Variants in ZMAT4 observed in about 807,000 individuals in gnomAD.
ZMAT4 encodes zinc finger matrin-type protein 4.
In ZMAT4, 17 loss-of-function variants were observed where a neutral mutation model predicts 28.7. That is an observed-to-expected ratio of 0.59 (90% CI 0.41 to 0.89). The LOEUF is 0.89. Ranked by LOEUF, ZMAT4 falls within the 40% of genes least tolerant of loss-of-function variation. The probability of loss-of-function intolerance (pLI) is 0.00; values close to 1 mark genes in which losing one functional copy is unlikely to be tolerated. For missense variants in ZMAT4, 240 were observed against 283.8 expected (o/e 0.85, Z 1.11); for synonymous variants, 117 against 109.2 (o/e 1.07, Z -0.44).
At chr8:40,865,470 G>C (rs1363031034) in intron 1 of ZMAT4, among the ~76,000 whole-genome samples, 1 of 152,186 alleles carries the variant, frequency 6.6e-6, no homozygotes, top group East Asian at 1.9e-4. Context: ...GCAGGATGTG[G>C]CTTCAGCCTC....
At chr8:40,786,987 A>G (rs531062019) in intron 2 of ZMAT4, among the ~76,000 whole-genome samples, 2 of 152,358 alleles carry the variant, frequency 1.3e-5, no homozygotes, top group African/African-American at 4.8e-5. Context: ...AAATTTTTTC[A>G]ATAAACACCA....
At chr8:40,709,132 C>T (rs931312562) in intron 3 of ZMAT4, among the ~76,000 whole-genome samples, 19 of 152,144 alleles carry the variant, frequency 1.2e-4, no homozygotes, top group Admixed American at 9.8e-4. Flanking sequence ...CATGCATCCT[C>T]CTGTAGACTT....
At chr8:40,893,928 C>A (rs1818781971) in intron 1 of ZMAT4, among the ~76,000 whole-genome samples, 1 of 152,170 alleles carries the variant, frequency 6.6e-6, no homozygotes, top group Admixed American at 6.5e-5. Context: ...TCTTTGATTT[C>A]CTTTAAGAAT....
At chr8:40,781,524 A>G (rs901833264) in intron 2 of ZMAT4, among the ~76,000 whole-genome samples, 1 of 152,020 alleles carries the variant, frequency 6.6e-6, no homozygotes, top group Non-Finnish European at 1.5e-5. Flanking sequence ...GCACTTTGGG[A>G]GGCCGAGGCG....
intron 1 of ZMAT4, among the ~76,000 whole-genome samples, chr8:40,892,862 GA>G (rs1370022404): frequency 6.6e-6 from 1 of 152,222 alleles, no homozygotes; most frequent in Non-Finnish European, 1.5e-5. Context: ...CTCATCAGCA[GA>G]GGGCACAGAT....
At chr8:40,602,953 C>T (rs1805450085) in intron 5 of ZMAT4, among the ~76,000 whole-genome samples, 1 of 152,046 alleles carries the variant, frequency 6.6e-6, no homozygotes, top group East Asian at 1.9e-4. Context: ...GTCACATTTG[C>T]TTTTGGGTTC....
At chr8:40,630,387 T>A (rs1283602142) in intron 5 of ZMAT4, among the ~76,000 whole-genome samples, 1 of 152,186 alleles carries the variant, frequency 6.6e-6, no homozygotes, top group Non-Finnish European at 1.5e-5. Flanking sequence ...CTCATATATA[T>A]CCTATGTGGA....
intron 3 of ZMAT4, among the ~76,000 whole-genome samples, chr8:40,705,133 G>A (rs1293445197): frequency 6.6e-6 from 1 of 152,218 alleles, no homozygotes; most frequent in African/African-American, 2.4e-5. Context: ...GAAGAGAGTT[G>A]AAGAATTTTG....
At chr8:40,793,846 C>T (rs575682724) in intron 2 of ZMAT4, among the ~76,000 whole-genome samples, 136 of 152,240 alleles carry the variant, frequency 8.9e-4, no homozygotes, top group African/African-American at 2.9e-3. Context: ...AAAAGTGTGA[C>T]GGACTCGCCC....
chr8:40,808,575 CAA>C (rs745844578), intron 2 of ZMAT4: 1,546 of 393,080 alleles, frequency 3.9e-3, no homozygotes, highest in Admixed American at 5.9e-3. Flanking sequence ...CACCACACTG[CAA>C]AAAAAAAAAA....
At chr8:40,704,957 G>C (rs1026984255) in intron 3 of ZMAT4, among the ~76,000 whole-genome samples, 4 of 152,178 alleles carry the variant, frequency 2.6e-5, no homozygotes, top group Non-Finnish European at 4.4e-5. Flanking sequence ...AGTCCCATGG[G>C]GAAGCTGTAG....
intron 5 of ZMAT4, among the ~76,000 whole-genome samples, chr8:40,596,648 T>C (rs926599275): frequency 6.6e-6 from 1 of 152,220 alleles, no homozygotes; most frequent in Non-Finnish European, 1.5e-5. Context: ...ATGTGATTCA[T>C]TGTTGACAAA....
In ZMAT4 at chr8:40,532,122, T is replaced by C; in HGVS notation, c.*101A>G. The C allele has an allele frequency of 8.9e-7, 1 of 1,123,668 alleles. No homozygotes were observed. Among genetic ancestry groups the C allele is most frequent in the Non-Finnish European group, 1.2e-6 (1 of 818,086 alleles). The allele number at this position is 1,123,668 out of a possible 1,614,324, so 69.6% of individuals were successfully genotyped here. ...AATCTGTGAATCCTTATAAGAAATG[T>C]TTATTGTTCAAGAAAGAAGCCTCCT... On this transcript the variant is annotated 3_prime_UTR_variant, in exon 7 of 7. Coordinates refer to ENST00000297737, the MANE Select transcript of ZMAT4 (RefSeq NM_024645.3).
At chr8:40,824,602 T>C (rs1037862687) in intron 2 of ZMAT4, among the ~76,000 whole-genome samples, 3 of 143,432 alleles carry the variant, frequency 2.1e-5, no homozygotes, top group African/African-American at 7.8e-5. Flanking sequence ...AGTGAGACGC[T>C]ATCTCAGAAA....
chr8:40,583,967 T>C (rs1804577849), intron 5 of ZMAT4, among the ~76,000 whole-genome samples: 2 of 152,162 alleles, frequency 1.3e-5, no homozygotes, highest in Non-Finnish European at 2.9e-5. Flanking sequence ...ATGGATGACT[T>C]TGAATTCTGT....
At chr8:40,889,316 T>C (rs1408265987) in intron 1 of ZMAT4, among the ~76,000 whole-genome samples, 1 of 152,230 alleles carries the variant, frequency 6.6e-6, no homozygotes, top group Admixed American at 6.5e-5. Flanking sequence ...TGAGCGTTTA[T>C]CTTCTCCCAC....
At chr8:40,667,257 G>A (rs755450109) in intron 5 of ZMAT4, among the ~76,000 whole-genome samples, 16 of 151,824 alleles carry the variant, frequency 1.1e-4, no homozygotes, top group Non-Finnish European at 1.5e-4. Flanking sequence ...CCAGGTTCAC[G>A]CCATTCTCCT....
chr8:40,679,440 C>T lies in ZMAT4; in HGVS notation c.350-4509G>A, dbSNP rs190488731. ...GAGGTTTAATTAACTCATAGTTCCA[C>T]AGGGCTGGGGAGGCTTCAGGAAACT... On this transcript the variant is annotated intron_variant, in intron 4 of 6. Coordinates refer to ENST00000297737, the MANE Select transcript of ZMAT4 (RefSeq NM_024645.3). Among the ~76,000 whole-genome samples, 42 of 152,254 alleles carry T rather than the reference C, an allele frequency of 2.8e-4. 1 individual carries two copies. The highest frequency in any genetic ancestry group is 2.6e-3 in the Admixed American group (40 of 15,286).
chr8:40,834,909 A>G (rs762113593), intron 1 of ZMAT4, among the ~76,000 whole-genome samples: 12 of 152,170 alleles, frequency 7.9e-5, no homozygotes, highest in Non-Finnish European at 1.3e-4. Flanking sequence ...TTCCAAAGGT[A>G]CCCTGCAGTG....
Sources: allele counts gnomAD v4.1 joint callset (sites outside exome capture counted in the v4.1 genomes callset), GRCh38; gene constraint gnomAD v4.1.1; transcripts MANE v1.5; gene names NCBI Gene and HGNC (gene_info 2026-07-23, HGNC 2026-07-21).